CACNA1D: variants seen among roughly 807,000 people sequenced by gnomAD.
CACNA1D encodes the protein voltage-dependent L-type calcium channel subunit alpha-1D.
In CACNA1D, 55 loss-of-function variants were observed where a neutral mutation model predicts 257.1. The ratio of observed to expected loss-of-function variants is 0.21; its 90% confidence interval spans 0.17 to 0.27. The LOEUF is 0.27. CACNA1D is among the 10% of genes least tolerant of loss of function. The probability of loss-of-function intolerance (pLI) is 1.00; values close to 1 mark genes in which losing one functional copy is unlikely to be tolerated. For missense variants in CACNA1D, 1,876 were observed against 2,784.0 expected (o/e 0.67, Z 7.34); for synonymous variants, 980 against 1,014.9 (o/e 0.97, Z 0.65).
intron 19 of CACNA1D, among the ~76,000 whole-genome samples, chr3:53,733,545 T>C (rs932097098): frequency 6.6e-6 from 1 of 152,204 alleles, no homozygotes; most frequent in African/African-American, 2.4e-5. Flanking sequence ...CTACTTAAAA[T>C]AGCATTTCTC....
chr3:53,648,867 G>A lies in CACNA1D; in HGVS notation c.484-1912G>A, dbSNP rs144735314. 3.6e-3 allele frequency among the ~76,000 whole-genome samples: 521 copies of A among 142,830 alleles called. 1 individual carries two copies. The highest frequency in any genetic ancestry group is 0.013 in the African/African-American group (483 of 36,340). 93.7% of individuals were successfully genotyped at this position (142,830 alleles called of 152,430 possible). On this transcript the variant is annotated intron_variant, in intron 3 of 47. Transcript: ENST00000350061. ...ACACACACACACACACACACAATTC[G>A]TTCACTAGACTGTTATAATGGTGTT...
At chr3:53,527,804 T>G (rs2091819014) in intron 3 of CACNA1D, among the ~76,000 whole-genome samples, 1 of 152,212 alleles carries the variant, frequency 6.6e-6, no homozygotes, top group African/African-American at 2.4e-5. Context: ...GTTAGAGTAT[T>G]ATTAGTATTT....
chr3:53,633,179 C>T (rs1013504538), intron 3 of CACNA1D, among the ~76,000 whole-genome samples: 7 of 152,164 alleles, frequency 4.6e-5, no homozygotes, highest in African/African-American at 1.4e-4. Context: ...TCCTTTTAAC[C>T]GTGCTTTCAC....
chr3:53,730,391 G>T (rs370548954), intron 15 of CACNA1D, 51 bp from the exon 16 acceptor site: 11 of 1,225,666 alleles, frequency 9.0e-6, no homozygotes, highest in Non-Finnish European at 8.5e-6. Context: ...ATTGTTGGCC[G>T]CACGTAGTTG....
chr3:53,788,742 C>T (rs2095469171), intron 40 of CACNA1D, among the ~76,000 whole-genome samples: 1 of 152,048 alleles, frequency 6.6e-6, no homozygotes, highest in Admixed American at 6.6e-5. Context: ...TAATTGGGAC[C>T]AGAACTTGAT....
In CACNA1D at chr3:53,711,210, C is replaced by A. The variant is rs2094751231; in HGVS notation, c.1391-7091C>A. Among the ~76,000 whole-genome samples, 7 of 152,212 alleles carry A rather than the reference C, an allele frequency of 4.6e-5. No individual in the cohort carries two copies. In the South Asian group the frequency reaches 1.2e-3, roughly 27 times the overall value. On this transcript the variant is annotated intron_variant, in intron 9 of 47. Transcript: ENST00000350061. ...TGCAGTCAGCGATATTGCGCCATTACACTCCAGCCTGGGTAACAGAGTGCG... is the reference window on the plus strand; with the variant it reads ...TGCAGTCAGCGATATTGCGCCATTAAACTCCAGCCTGGGTAACAGAGTGCG...
intron 3 of CACNA1D, among the ~76,000 whole-genome samples, chr3:53,641,452 C>T (rs183794080): frequency 4.4e-4 from 67 of 152,230 alleles, no homozygotes; most frequent in African/African-American, 1.6e-3. Context: ...CTTTGAATCC[C>T]CAGTGCTCAG....
intron 3 of CACNA1D, among the ~76,000 whole-genome samples, chr3:53,560,650 A>G (rs1219763500): frequency 1.3e-5 from 2 of 152,252 alleles, no homozygotes; most frequent in Non-Finnish European, 2.9e-5. Context: ...TGTAAAAGCA[A>G]CCACGAACAA....
intron 40 of CACNA1D, among the ~76,000 whole-genome samples, chr3:53,797,046 C>A (rs1408710544): frequency 6.6e-6 from 1 of 151,998 alleles, no homozygotes; most frequent in East Asian, 1.9e-4. Context: ...GATAATTTTA[C>A]TGTTTGTAAA....
intron 3 of CACNA1D, among the ~76,000 whole-genome samples, chr3:53,564,750 T>G (rs979535226): frequency 2.6e-5 from 4 of 152,212 alleles, no homozygotes; most frequent in Non-Finnish European, 5.9e-5. Flanking sequence ...TGTTGCTATT[T>G]CCATTTTATA....
chr3:53,774,888 A>T lies in CACNA1D; in HGVS notation c.4202+210A>T, dbSNP rs1344102496. 6.6e-6 allele frequency among the ~76,000 whole-genome samples: 1 copy of T among 152,226 alleles called. No homozygotes were observed. Among genetic ancestry groups the T allele is most frequent in the Non-Finnish European group, 1.5e-5 (1 of 68,048 alleles). On this transcript the variant is annotated intron_variant, in intron 34 of 47. Transcript: ENST00000350061. This position sits in a 1 kb window ranked among gnomAD's most constrained non-coding sequence, Gnocchi z 4.3. ...CTGGATTGTTAAAACTGCTGTGGTA[A>T]TCCCGATTGTGGCTGGCATAAGGTT... is the stretch of plus-strand genomic sequence containing the variant.
chr3:53,497,258 T>A lies in CACNA1D; in HGVS notation c.174T>A (p.Asp58Glu). 6.2e-7 allele frequency: 1 copy of A among 1,614,190 alleles called. No homozygotes were observed. The highest frequency in any genetic ancestry group is 8.5e-7 in the Non-Finnish European group (1 of 1,180,028). Residue 58 changes from aspartate (D) to glutamate (E), a missense_variant, in exon 2 of 48, where the codon GAT (aspartate) becomes GAA (glutamate). Around this residue, in one of 10 missense-constraint regions of CACNA1D, gnomAD observed 143 missense variants for 168.7 expected, o/e 0.85. Transcript: ENST00000350061. ...TCCTGTCTTGGCAAGCTGCAATCGATGCTGCTAGACAGGCCAAGGCTGCCC... is the reference window on the plus strand; with the variant it reads ...TCCTGTCTTGGCAAGCTGCAATCGAAGCTGCTAGACAGGCCAAGGCTGCCC... Reference protein sequence around the residue: ...QTVLSWQAAIDAARQAKAAQT... With the variant: ...QTVLSWQAAIEAARQAKAAQT...
At chr3:53,520,225 C>T (rs1261923257) in intron 3 of CACNA1D, among the ~76,000 whole-genome samples, 1 of 152,194 alleles carries the variant, frequency 6.6e-6, no homozygotes, top group African/African-American at 2.4e-5. Context: ...AAGCTGCTTG[C>T]CAAAGCAGCT....
intron 3 of CACNA1D, among the ~76,000 whole-genome samples, chr3:53,532,068 A>G (rs1178153278): frequency 6.6e-6 from 1 of 152,200 alleles, no homozygotes; most frequent in East Asian, 1.9e-4. Flanking sequence ...TTTATAGCCA[A>G]GGGGAGGTGA....
intron 3 of CACNA1D, among the ~76,000 whole-genome samples, chr3:53,624,185 C>A (rs565109747): frequency 2.6e-5 from 4 of 152,228 alleles, no homozygotes; most frequent in Admixed American, 1.3e-4. Context: ...AAGTTATAAA[C>A]CACTGTAGAG....
intron 3 of CACNA1D, among the ~76,000 whole-genome samples, chr3:53,596,620 T>C (rs957833015): frequency 3.3e-5 from 5 of 151,970 alleles, no homozygotes; most frequent in African/African-American, 1.2e-4. Flanking sequence ...GGAGCTGCAG[T>C]GATGGAAGCG....
chr3:53,673,876 T>C lies in CACNA1D; in HGVS notation c.1220+750T>C. 9.6e-7 allele frequency: 1 copy of C among 1,041,664 alleles called. No individual in the cohort carries two copies. Among genetic ancestry groups the C allele is most frequent in the Non-Finnish European group, 1.5e-6 (1 of 657,540 alleles). The allele number at this position is 1,041,664 out of a possible 1,614,324, so 64.5% of individuals were successfully genotyped here. On this transcript the variant is annotated intron_variant, in intron 8 of 47. Transcript: ENST00000350061. The surrounding 1 kb of genome is among the most constrained non-coding windows in gnomAD (Gnocchi z 4.1). The stretch of plus-strand genomic sequence containing the variant: ...CTGCCACGTGTGAGGCAACTCTGCG[T>C]GTCTCCTAGCTGCTCCCTGACAGCT...
chr3:53,723,274 C>T lies in CACNA1D; in HGVS notation c.1667-160C>T, dbSNP rs529685022. 1.2e-4 allele frequency among the ~76,000 whole-genome samples: 18 copies of T among 152,148 alleles called. No homozygotes were observed. Among genetic ancestry groups the T allele is most frequent in the South Asian group, 4.2e-4 (2 of 4,808 alleles). On this transcript the variant is annotated intron_variant, in intron 12 of 47. Coordinates refer to ENST00000350061, the MANE Select transcript of CACNA1D (RefSeq NM_001128840.3). This position sits in a 1 kb window ranked among gnomAD's most constrained non-coding sequence, Gnocchi z 5.6. ...CAGAACCTGGTGGACAGACTGTCCA[C>T]GCGAAGGCCACGTTTCTGTCCTGAG...
intron 3 of CACNA1D, among the ~76,000 whole-genome samples, chr3:53,618,956 G>A (rs973820245): frequency 9.9e-5 from 15 of 152,160 alleles, no homozygotes; most frequent in African/African-American, 3.6e-4. Context: ...CTAGGGTTTT[G>A]TGGGATGATG....
Sources: gnomAD v4.1 joint callset for allele counts (sites outside exome capture counted in the v4.1 genomes callset) on GRCh38, gnomAD v4.1.1 for gene constraint, gnomAD v4.1.1 regional missense constraint, Gnocchi (gnomAD v3.1) non-coding constraint, MANE v1.5 for transcripts, NCBI Gene and HGNC (gene_info 2026-07-23, HGNC 2026-07-21) for gene names.